Variants in PHF14 observed in about 807,000 individuals in gnomAD.
The protein encoded by PHF14 is PHD finger protein 14.
A neutral mutation model predicts 117.9 loss-of-function variants in PHF14; 55 were observed. The ratio of observed to expected loss-of-function variants is 0.47; its 90% CI spans 0.38 to 0.58. The LOEUF (loss-of-function observed/expected upper bound fraction) is 0.58. Among genes scored for constraint, PHF14 ranks in the 20% least tolerant of loss-of-function variants. PHF14 has a pLI of 0.00. For missense variants in PHF14, 978 were observed against 1,122.2 expected, an observed-to-expected ratio of 0.87 and a Z score of 1.84; for synonymous variants, 409 against 368.6, an observed-to-expected ratio of 1.11 and a Z score of -1.26.
intron 7 of PHF14, among the ~76,000 whole-genome samples, chr7:11,035,048 G>A (rs773712937): frequency 4.6e-5 from 7 of 150,802 alleles, no homozygotes; most frequent in African/African-American, 1.5e-4. Context: ...AAATACAGCC[G>A]GCCCTCCGTG....
intron 16 of PHF14, among the ~76,000 whole-genome samples, chr7:11,064,438 C>T (rs550885613): frequency 6.6e-6 from 1 of 151,842 alleles, no homozygotes; most frequent in Non-Finnish European, 1.5e-5. Flanking sequence ...AGCGCTTACT[C>T]AGACATACGT....
At chr7:11,008,446 C>T (rs890086813) in intron 4 of PHF14, among the ~76,000 whole-genome samples, 6 of 152,156 alleles carry the variant, frequency 3.9e-5, no homozygotes, top group Non-Finnish European at 7.3e-5. Flanking sequence ...CTGAACTCCA[C>T]CTCCTGTCGG....
At chr7:11,115,799 A>C (rs370838802) in intron 17 of PHF14, among the ~76,000 whole-genome samples, 1 of 151,988 alleles carries the variant, frequency 6.6e-6, no homozygotes, top group Non-Finnish European at 1.5e-5. Flanking sequence ...CTTAACTTTC[A>C]TTAGCTTGTG....
chr7:11,107,098 T>G, intron 16 of PHF14: 1 of 983,320 alleles, frequency 1.0e-6, no homozygotes, highest in Non-Finnish European at 1.2e-6. Context: ...TAGTTGTAGT[T>G]TACTCCTCTA....
chr7:11,161,151 C>T lies in PHF14; in HGVS notation c.2773-8265C>T, dbSNP rs536217888. 2.0e-5 allele frequency among the ~76,000 whole-genome samples: 3 copies of T among 152,096 alleles called. No homozygotes were observed. In the East Asian group the frequency reaches 5.8e-4, roughly 29 times the overall value. On this transcript the variant is annotated intron_variant, in intron 17 of 17. Transcript: ENST00000634607. Reference sequence around the variant, plus strand: ...GCATATGGCTAGCCAGTTGCCAGCACCATTTATTGAATGGAGATATTATGA... The same window carrying T: ...GCATATGGCTAGCCAGTTGCCAGCATCATTTATTGAATGGAGATATTATGA...
chr7:11,072,659 T>C (rs1381384735), intron 16 of PHF14, among the ~76,000 whole-genome samples: 1 of 151,832 alleles, frequency 6.6e-6, no homozygotes, highest in Non-Finnish European at 1.5e-5. Flanking sequence ...ATATAACATA[T>C]ATAGTGCTTA....
At chr7:11,051,433 G>A (rs1018528776) in intron 13 of PHF14, among the ~76,000 whole-genome samples, 179 bp from the exon 14 acceptor site, 27 of 152,052 alleles carry the variant, frequency 1.8e-4, no homozygotes, top group African/African-American at 6.3e-4. Flanking sequence ...TATATTCATA[G>A]TAGTCACTCT....
intron 17 of PHF14, among the ~76,000 whole-genome samples, chr7:11,111,779 T>G (rs1183486499): frequency 6.6e-6 from 1 of 152,036 alleles, no homozygotes; most frequent in Non-Finnish European, 1.5e-5. Flanking sequence ...CACTTGAGAA[T>G]GGCAGGAAAA....
chr7:11,089,537 A>G (rs1786558621), intron 16 of PHF14, among the ~76,000 whole-genome samples: 1 of 152,170 alleles, frequency 6.6e-6, no homozygotes, highest in Non-Finnish European at 1.5e-5. Context: ...ACAAAAAGGA[A>G]AAAAAGGACA....
intron 16 of PHF14, chr7:11,105,517 C>A: frequency 1.0e-6 from 1 of 979,738 alleles, no homozygotes; most frequent in Non-Finnish European, 1.2e-6. Flanking sequence ...AGAATATTTA[C>A]ATCATTAAAT....
At chr7:11,123,447 A>G (rs1174994178) in intron 17 of PHF14, among the ~76,000 whole-genome samples, 2 of 152,166 alleles carry the variant, frequency 1.3e-5, no homozygotes, top group Non-Finnish European at 1.5e-5. Flanking sequence ...TAAATATGCT[A>G]TAATTAAAAT....
At chr7:11,142,282 T>A (rs1353838224) in intron 17 of PHF14, among the ~76,000 whole-genome samples, 2 of 152,076 alleles carry the variant, frequency 1.3e-5, no homozygotes, top group African/African-American at 4.8e-5. Context: ...TAGAAATACA[T>A]GATGCCCTTT....
chr7:11,052,356 G>A (rs1239619809), intron 14 of PHF14, among the ~76,000 whole-genome samples: 2 of 152,158 alleles, frequency 1.3e-5, no homozygotes. Flanking sequence ...TCTATGGAAA[G>A]AATAGATTAT....
At position 11,012,519 on chromosome 7, in the gene PHF14, C is replaced by A. The variant is rs577111393; in HGVS notation, c.1046-1228C>A. Reference sequence around the variant, plus strand: ...TGACCAGTTCAAACCTGTGTTGTTCCATTGTCAACTGTAACTTGTAATTCC... The same window carrying A: ...TGACCAGTTCAAACCTGTGTTGTTCAATTGTCAACTGTAACTTGTAATTCC... On this transcript the variant is annotated intron_variant, in intron 4 of 17. Transcript: ENST00000634607. 3.3e-4 allele frequency among the ~76,000 whole-genome samples: 51 copies of A among 152,310 alleles called. 2 individuals are homozygous for A. The highest frequency in any genetic ancestry group is 1.2e-3 in the African/African-American group (50 of 41,574).
At chr7:10,977,696 G>C (rs569894904) in intron 2 of PHF14, among the ~76,000 whole-genome samples, 2 of 152,228 alleles carry the variant, frequency 1.3e-5, no homozygotes, top group African/African-American at 4.8e-5. Flanking sequence ...AAATGAGTAA[G>C]TCCTAAAATA....
Position 11,013,736 on chromosome 7 carries a change from GT to G in PHF14, c.1046-3del, listed in dbSNP as rs748740578. On this transcript the variant is annotated splice_polypyrimidine_tract_variant and intron_variant, in intron 4 of 17. Coordinates refer to ENST00000634607, the MANE Select transcript of PHF14 (RefSeq NM_001007157.2). ...AACCCTATTTAATCATAGTGTTTTT[GT>G]TTTTTTTAGGTTGTTATGGAGTTGA... 2.2e-5 allele frequency: 32 copies of G among 1,463,598 alleles called. No homozygotes were observed. Among genetic ancestry groups the G allele is most frequent in the Admixed American group, 6.2e-5 (3 of 48,644 alleles). The allele number at this position is 1,463,598 out of a possible 1,614,324, so 90.7% of individuals were successfully genotyped here. A position where few individuals can be genotyped will look rare whatever the true frequency, so the allele number is the denominator to read the frequency against.
intron 17 of PHF14, among the ~76,000 whole-genome samples, chr7:11,136,852 A>G (rs1390615229): frequency 1.3e-5 from 2 of 152,206 alleles, no homozygotes; most frequent in Admixed American, 6.5e-5. Flanking sequence ...TCTGTGGTCA[A>G]CATGGTCATA....
intron 7 of PHF14, among the ~76,000 whole-genome samples, chr7:11,032,497 T>TAA (rs113622468): frequency 6.9e-6 from 1 of 144,128 alleles, no homozygotes; most frequent in Non-Finnish European, 1.5e-5. Context: ...GAGCTTTGTT[T>TAA]AAAAAAAAAA....
At chr7:11,108,189 T>A (rs1017389695) in intron 16 of PHF14, 18 of 151,758 alleles carry the variant, frequency 1.2e-4, no homozygotes, top group Admixed American at 3.3e-4. Context: ...TTTCTGTGAT[T>A]AGCACATAGA....
Sources: allele counts gnomAD v4.1 joint callset (sites outside exome capture counted in the v4.1 genomes callset), GRCh38; gene constraint gnomAD v4.1.1; transcripts MANE v1.5; gene names NCBI Gene and HGNC (gene_info 2026-07-23, HGNC 2026-07-21).